ADAM9: variants seen among roughly 807,000 people sequenced by gnomAD.
The protein encoded by ADAM9 is disintegrin and metalloproteinase domain-containing protein 9.
A neutral mutation model predicts 108.1 loss-of-function variants in ADAM9; 54 were observed. The ratio of observed to expected loss-of-function variants is 0.50; its 90% CI spans 0.40 to 0.63. ADAM9 has a LOEUF of 0.63. ADAM9 is among the 20% of genes least tolerant of loss of function. The pLI is 0.00. For synonymous variants in ADAM9, 316 were observed against 336.0 expected (o/e 0.94, Z 0.65); for missense variants, 830 against 997.7 (o/e 0.83, Z 2.26).
chr8:39,016,196 T>C lies in ADAM9; in HGVS notation c.410+2T>C, dbSNP rs762614449. On this transcript the variant is annotated splice_donor_variant, in intron 5 of 21. Coordinates refer to ENST00000487273, the MANE Select transcript of ADAM9 (RefSeq NM_003816.3). LOFTEE classifies it high-confidence loss of function. ...TCTTAGCGACTGTTTTGGACTCAGG[T>C]AAGCAATTTCCTTTATCTTCTTTTT... 9 of 1,612,492 alleles carry C rather than the reference T, an allele frequency of 5.6e-6. No homozygotes were observed. The highest frequency in any genetic ancestry group is 2.5e-6 in the Non-Finnish European group (3 of 1,178,574).
At chr8:39,062,741 A>G (rs1838336801) in intron 14 of ADAM9, among the ~76,000 whole-genome samples, 1 of 152,194 alleles carries the variant, frequency 6.6e-6, no homozygotes, top group South Asian at 2.1e-4. Context: ...TGCCCTTTAG[A>G]TAAGAGTGAT....
intron 4 of ADAM9, chr8:39,015,912 C>T (rs898904737): frequency 7.2e-6 from 4 of 553,964 alleles, no homozygotes; most frequent in African/African-American, 5.7e-5. Context: ...TTTGCCTAAA[C>T]ATTTGTGTAC....
chr8:39,018,756 A>G, intron 6 of ADAM9, 97 bp from the exon 7 acceptor site: 2 of 1,058,688 alleles, frequency 1.9e-6, no homozygotes, highest in Middle Eastern at 2.0e-4. Flanking sequence ...TAATTTTATG[A>G]TGTTCTTAGC....
At chr8:39,039,645 A>AT (rs1182002676) in intron 11 of ADAM9, among the ~76,000 whole-genome samples, 1 of 151,880 alleles carries the variant, frequency 6.6e-6, no homozygotes, top group Non-Finnish European at 1.5e-5. Context: ...ATCATGCAAC[A>AT]TTTTTCTTTT....
rs1564297719 is a variant in ADAM9, at chr8:39,045,120, G to GTATA, written c.1302+3004_1302+3005insATAT. On this transcript the variant is annotated intron_variant, in intron 12 of 21. Coordinates refer to ENST00000487273, the MANE Select transcript of ADAM9 (RefSeq NM_003816.3). ...TGTGTGTGTGCATACATACATATGTGTGTGTGCATACATACATATATGTGT... is the reference window on the plus strand; with the variant it reads ...TGTGTGTGTGCATACATACATATGTGTATATGTGTGCATACATACATATATGTGT... Among the ~76,000 whole-genome samples the GTATA allele has an allele frequency of 7.5e-4, 57 of 76,292 alleles. 15 individuals carry two copies. The East Asian group carries it at 0.013, about 17-fold the overall frequency. 50.1% of individuals were successfully genotyped at this position (76,292 alleles called of 152,430 possible).
intron 14 of ADAM9, among the ~76,000 whole-genome samples, chr8:39,069,923 C>G (rs1041288614): frequency 4.1e-5 from 6 of 147,982 alleles, no homozygotes; most frequent in African/African-American, 1.5e-4. Context: ...TATTGACATA[C>G]TGCTTTAAAA....
chr8:39,019,701 A>G (rs975119806), intron 7 of ADAM9, among the ~76,000 whole-genome samples: 3 of 152,258 alleles, frequency 2.0e-5, no homozygotes, highest in East Asian at 3.8e-4. Flanking sequence ...GAAACTTACT[A>G]TGATTGGCAG....
chr8:39,067,438 T>C (rs969505935), intron 14 of ADAM9, among the ~76,000 whole-genome samples: 7 of 152,204 alleles, frequency 4.6e-5, no homozygotes, highest in African/African-American at 1.4e-4. Flanking sequence ...TGAGCAGTGG[T>C]TTGTAGTTCT....
At chr8:39,054,387 A>G (rs1235763704) in intron 12 of ADAM9, 94 bp from the exon 13 acceptor site, 3 of 1,103,314 alleles carry the variant, frequency 2.7e-6, no homozygotes, top group Non-Finnish European at 4.1e-6. Context: ...TCATGTTAGA[A>G]TGAAGTAGAT....
At chr8:38,999,188 C>G (rs1449783262) in intron 1 of ADAM9, among the ~76,000 whole-genome samples, 1 of 151,924 alleles carries the variant, frequency 6.6e-6, no homozygotes, top group Non-Finnish European at 1.5e-5. Flanking sequence ...TTTCCAGGAT[C>G]GAAAGAGGAA....
At chr8:39,066,128 C>T (rs987886156) in intron 14 of ADAM9, among the ~76,000 whole-genome samples, 2 of 152,198 alleles carry the variant, frequency 1.3e-5, no homozygotes, top group African/African-American at 4.8e-5. Context: ...CTATGTGCCA[C>T]GTTTTCTTAA....
At chr8:39,102,376 G>A (rs1342174368) in intron 21 of ADAM9, among the ~76,000 whole-genome samples, 1 of 152,178 alleles carries the variant, frequency 6.6e-6, no homozygotes, top group African/African-American at 2.4e-5. Flanking sequence ...TCCCAGCTTT[G>A]GGGGCCACTT....
chr8:39,043,716 C>T (rs1002840191), intron 12 of ADAM9, among the ~76,000 whole-genome samples: 40 of 151,894 alleles, frequency 2.6e-4, no homozygotes, highest in African/African-American at 9.4e-4. Context: ...TTTTCATGTA[C>T]CTGTCATTCA....
intron 4 of ADAM9, chr8:39,014,497 T>C (rs1204710639): frequency 2.9e-6 from 2 of 694,280 alleles, no homozygotes; most frequent in Non-Finnish European, 5.2e-6. Context: ...AAAAGAGGTG[T>C]GGTCCTCTCT....
chr8:39,098,004 T>G (rs1343896061), intron 20 of ADAM9, among the ~76,000 whole-genome samples: 1 of 152,258 alleles, frequency 6.6e-6, no homozygotes, highest in African/African-American at 2.4e-5. Flanking sequence ...CTTATTTTTC[T>G]GATATATCTA....
chr8:39,084,266 CTT>C (rs940929597), intron 18 of ADAM9, among the ~76,000 whole-genome samples: 5 of 150,492 alleles, frequency 3.3e-5, no homozygotes, highest in African/African-American at 1.2e-4. Context: ...TATATTTTCT[CTT>C]AGTCTGCTTA....
chr8:39,083,787 CAG>C (rs200662272), intron 18 of ADAM9, among the ~76,000 whole-genome samples: 4,985 of 152,242 alleles, frequency 0.033, 108 homozygotes, highest in Non-Finnish European at 0.048. Flanking sequence ...CATGAGCTCC[CAG>C]TTTATCGGTA....
intron 12 of ADAM9, among the ~76,000 whole-genome samples, chr8:39,044,926 G>GTGTGTGCACACATACATAGGTATGTGTA (rs1228911121): frequency 4.0e-5 from 6 of 150,336 alleles, no homozygotes; most frequent in Non-Finnish European, 8.9e-5. Context: ...ATGTATATAT[G>GTGTGTGCACACATACATAGGTATGTGTA]TGTGTGCACA....
intron 14 of ADAM9, among the ~76,000 whole-genome samples, chr8:39,060,089 G>T (rs922510598): frequency 6.6e-6 from 1 of 152,198 alleles, no homozygotes; most frequent in African/African-American, 2.4e-5. Context: ...AACTCAGGTT[G>T]AATGGTAACT....
Sources: allele counts gnomAD v4.1 joint callset (sites outside exome capture counted in the v4.1 genomes callset), GRCh38; gene constraint gnomAD v4.1.1; transcripts MANE v1.5; gene names NCBI Gene and HGNC (gene_info 2026-07-23, HGNC 2026-07-21).